SLC9D1: variants seen among roughly 807,000 people sequenced by gnomAD.
SLC9D1 encodes the protein putative LAG1-interacting protein.
chr13:113,499,457 CA>C, the SLC9D1 span, among the ~76,000 whole-genome samples: 1 of 152,100 alleles, frequency 6.6e-6, no homozygotes, highest in African/African-American at 2.4e-5. Context: ...ACACCTGTAA[CA>C]GGGGAACATT....
At chr13:113,529,536 G>C in the SLC9D1 span, 1 of 152,330 alleles carries the variant, frequency 6.6e-6, no homozygotes, top group Non-Finnish European at 1.5e-5. Flanking sequence ...TGTATTCCCA[G>C]CTACTCGGGA....
At chr13:113,518,454 T>C in the SLC9D1 span, among the ~76,000 whole-genome samples, 8 of 152,236 alleles carry the variant, frequency 5.3e-5, no homozygotes, top group Admixed American at 1.3e-4. Flanking sequence ...GAACAAAATA[T>C]TTAAAACATT....
chr13:113,521,164 A>G, the SLC9D1 span, among the ~76,000 whole-genome samples: 14 of 149,996 alleles, frequency 9.3e-5, no homozygotes, highest in African/African-American at 2.5e-4. Context: ...CTTACGTGGT[A>G]TGTGTGTGTA....
the SLC9D1 span, chr13:113,495,367 T>C: frequency 2.0e-6 from 1 of 502,676 alleles, no homozygotes; most frequent in Non-Finnish European, 3.5e-6. Context: ...ATAAATAGTT[T>C]AGATGTTGAT....
the SLC9D1 span, among the ~76,000 whole-genome samples, chr13:113,497,570 G>GCAGCTGTGTGAGACCTA: frequency 4.0e-5 from 6 of 150,118 alleles, no homozygotes; most frequent in African/African-American, 1.2e-4. Flanking sequence ...TGTGAGACCT[G>GCAGCTGTGTGAGACCTA]CAGCTGTGTG....
At chr13:113,521,392 A>T in the SLC9D1 span, among the ~76,000 whole-genome samples, 3 of 147,138 alleles carry the variant, frequency 2.0e-5, no homozygotes, top group Non-Finnish European at 4.5e-5. Context: ...TATGAGAGCT[A>T]TCATTGTATG....
chr13:113,537,297 C>T, the SLC9D1 span, among the ~76,000 whole-genome samples: 1 of 152,240 alleles, frequency 6.6e-6, no homozygotes, highest in African/African-American at 2.4e-5. Flanking sequence ...ATATCCACCT[C>T]CCCAAAGGAA....
the SLC9D1 span, among the ~76,000 whole-genome samples, chr13:113,502,738 G>C: frequency 6.6e-6 from 1 of 152,216 alleles, no homozygotes; most frequent in Non-Finnish European, 1.5e-5. Flanking sequence ...CTGGAGGGAG[G>C]CGTGCCAGGG....
At chr13:113,547,180 G>T in the SLC9D1 span, 2 of 782,374 alleles carry the variant, frequency 2.6e-6, no homozygotes, top group Non-Finnish European at 4.3e-6. Flanking sequence ...ACGTGCACTT[G>T]GGAGGATTTA....
At chr13:113,549,289 G>C in the SLC9D1 span, 1 of 989,974 alleles carries the variant, frequency 1.0e-6, no homozygotes, top group Non-Finnish European at 1.5e-6. Context: ...CCAGCACTCA[G>C]CGTGACTGTG....
At chr13:113,530,794 T>C in the SLC9D1 span, among the ~76,000 whole-genome samples, 497 of 152,340 alleles carry the variant, frequency 3.3e-3, 7 homozygotes, top group African/African-American at 0.011. Context: ...ATGTTTCTTA[T>C]TTTATAAAGG....
chr13:113,537,512 T>C, the SLC9D1 span, among the ~76,000 whole-genome samples: 6 of 152,376 alleles, frequency 3.9e-5, no homozygotes, highest in East Asian at 9.6e-4. Context: ...CATTCCAGCA[T>C]GTCAGATATG....
At chr13:113,498,480 G>C in the SLC9D1 span, 1 of 1,593,612 alleles carries the variant, frequency 6.3e-7, no homozygotes, top group East Asian at 2.3e-5. Flanking sequence ...GGATCGTCTG[G>C]AGGAAGAGAT....
the SLC9D1 span, among the ~76,000 whole-genome samples, chr13:113,512,916 A>G: frequency 1.3e-5 from 2 of 150,470 alleles, no homozygotes; most frequent in African/African-American, 2.4e-5. Context: ...CCCAGGGGCC[A>G]GAATGTAGAT....
At chr13:113,514,132 C>T in the SLC9D1 span, among the ~76,000 whole-genome samples, 22,535 of 152,172 alleles carry the variant, frequency 0.15, 2,015 homozygotes, top group Admixed American at 0.27. Context: ...ATGCAGAATT[C>T]AAAAGAGAAA....
the SLC9D1 span, among the ~76,000 whole-genome samples, chr13:113,533,082 C>T: frequency 0.045 from 2,520 of 55,708 alleles, 132 homozygotes; most frequent in Admixed American, 0.092. Context: ...GGCCCTGCAG[C>T]GAGCTCTGAA....
the SLC9D1 span, chr13:113,547,353 C>T: frequency 1.2e-6 from 2 of 1,614,024 alleles, no homozygotes; most frequent in South Asian, 2.2e-5. Context: ...GCTGGTGTTC[C>T]TCACCTTGTC....
chr13:113,545,531 T>G, the SLC9D1 span, among the ~76,000 whole-genome samples: 5 of 152,264 alleles, frequency 3.3e-5, no homozygotes, highest in African/African-American at 1.2e-4. Context: ...CTGACTGGAA[T>G]GCATTAGGCT....
At chr13:113,542,382 A>G in the SLC9D1 span, among the ~76,000 whole-genome samples, 3 of 151,502 alleles carry the variant, frequency 2.0e-5, no homozygotes, top group Non-Finnish European at 4.4e-5. Flanking sequence ...GTCGCTGATC[A>G]CTGCCATGCT....
Sources: gnomAD v4.1 joint callset for allele counts (sites outside exome capture counted in the v4.1 genomes callset) on GRCh38, gnomAD v4.1.1 for gene constraint, MANE v1.5 for transcripts, NCBI Gene and HGNC (gene_info 2026-07-23, HGNC 2026-07-21) for gene names.